Variants in USP24 observed in about 807,000 individuals in gnomAD.
The protein encoded by USP24 is ubiquitin carboxyl-terminal hydrolase 24.
In USP24, 97 loss-of-function variants were observed where a neutral mutation model predicts 361.6. That is an observed-to-expected ratio of 0.27 (90% CI 0.23 to 0.32). The LOEUF is 0.32. Among genes scored for constraint, USP24 ranks in the 10% least tolerant of loss-of-function variants. The pLI is 1.00. For synonymous variants in USP24, 1,098 were observed against 1,124.6 expected, an observed-to-expected ratio of 0.98 and a Z score of 0.47; for missense variants, 2,353 against 3,165.6, an observed-to-expected ratio of 0.74 and a Z score of 6.16.
intron 63 of USP24, 107 bp from the exon 64 acceptor site, chr1:55,074,013 A>T (rs1644971661): frequency 1.7e-5 from 15 of 870,222 alleles, no homozygotes; most frequent in Non-Finnish European, 2.7e-5. Flanking sequence ...ATTTTAATAA[A>T]CAGATAAGGA....
Position 55,100,983 on chromosome 1 carries a change from T to C in USP24, c.5146-19A>G. 2 of 1,604,438 alleles carry C rather than the reference T, an allele frequency of 1.2e-6. No homozygotes were observed. Among genetic ancestry groups the C allele is most frequent in the African/African-American group, 1.3e-5 (1 of 74,304 alleles). ...GTAATGACTGCACAGAAAAGAAACA[T>C]ATCAAGCTTGAAATATTTAAAATGC... On this transcript the variant is annotated intron_variant, in intron 43 of 67. Transcript: ENST00000294383.
chr1:55,134,811 C>T (rs944421742), intron 28 of USP24, among the ~76,000 whole-genome samples: 4 of 152,122 alleles, frequency 2.6e-5, no homozygotes, highest in African/African-American at 7.2e-5. Context: ...GTTTATGTAT[C>T]GACATTCACA....
intron 65 of USP24, 31 bp from the exon 66 acceptor site, chr1:55,072,434 G>A (rs748307686): frequency 4.4e-6 from 7 of 1,579,438 alleles, no homozygotes; most frequent in Non-Finnish European, 6.1e-6. Context: ...TGCCATCAGA[G>A]GTGACAAATA....
intron 32 of USP24, among the ~76,000 whole-genome samples, chr1:55,127,134 G>A (rs1371103085): frequency 6.6e-6 from 1 of 151,740 alleles, no homozygotes; most frequent in Admixed American, 6.6e-5. Context: ...AGTTACATAT[G>A]TATATATGTG....
intron 1 of USP24, among the ~76,000 whole-genome samples, chr1:55,183,994 G>A (rs1327348395): frequency 6.6e-6 from 1 of 152,030 alleles, no homozygotes; most frequent in Admixed American, 6.6e-5. Context: ...ATAACATTGG[G>A]GGGGAAAAAA....
At chr1:55,112,856 C>G (rs1645994151) in intron 38 of USP24, among the ~76,000 whole-genome samples, 1 of 152,136 alleles carries the variant, frequency 6.6e-6, no homozygotes, top group Non-Finnish European at 1.5e-5. Context: ...CTAATATTGA[C>G]AGCGGAGTGT....
chr1:55,166,731 T>G (rs1648905988), intron 5 of USP24, 128 bp from the exon 6 acceptor site: 1 of 936,132 alleles, frequency 1.1e-6, no homozygotes, highest in South Asian at 1.7e-5. Flanking sequence ...TTTTCAAAGT[T>G]TTTTTCCCAA....
intron 38 of USP24, among the ~76,000 whole-genome samples, chr1:55,116,910 A>T (rs1235393258): frequency 1.3e-5 from 2 of 152,208 alleles, no homozygotes; most frequent in Non-Finnish European, 2.9e-5. Context: ...CTACAGACCA[A>T]TATCCCTTAT....
intron 39 of USP24, among the ~76,000 whole-genome samples, chr1:55,109,553 T>C (rs1358127932): frequency 2.0e-5 from 3 of 152,194 alleles, no homozygotes; most frequent in Non-Finnish European, 4.4e-5. Flanking sequence ...GTATTTTTTT[T>C]CCTCCTGGTC....
intron 1 of USP24, among the ~76,000 whole-genome samples, chr1:55,210,412 A>G (rs2100956241): frequency 6.6e-6 from 1 of 152,288 alleles, no homozygotes; most frequent in Non-Finnish European, 1.5e-5. Flanking sequence ...ACAGTAATTC[A>G]TAAACCACAG....
chr1:55,168,201 G>T (rs1649078942), intron 5 of USP24, among the ~76,000 whole-genome samples: 1 of 152,042 alleles, frequency 6.6e-6, no homozygotes. Context: ...TGCTGTTGAT[G>T]GGGGTCAAGG....
chr1:55,164,465 C>A (rs958003547), intron 7 of USP24, among the ~76,000 whole-genome samples: 1 of 151,898 alleles, frequency 6.6e-6, no homozygotes, highest in Non-Finnish European at 1.5e-5. Flanking sequence ...AATATTATGG[C>A]CTAAATTTAT....
At chr1:55,106,101 A>G in intron 41 of USP24, 45 bp downstream of exon 41, 1 of 1,498,630 alleles carries the variant, frequency 6.7e-7, no homozygotes, top group South Asian at 1.2e-5. Flanking sequence ...GAAGTTTCAA[A>G]TTAGAATTTT....
At chr1:55,069,437 C>T (rs1024290530) in intron 67 of USP24, among the ~76,000 whole-genome samples, 3 of 152,228 alleles carry the variant, frequency 2.0e-5, no homozygotes, top group African/African-American at 7.2e-5. Flanking sequence ...ACGTTGGGCA[C>T]TGTGTGAGCC....
At chr1:55,173,075 G>A (rs914315518) in intron 3 of USP24, among the ~76,000 whole-genome samples, 5 of 152,050 alleles carry the variant, frequency 3.3e-5, no homozygotes, top group Non-Finnish European at 7.4e-5. Context: ...AATGAATGCT[G>A]TATTGCACGG....
At chr1:55,209,930 A>G (rs1050082529) in intron 1 of USP24, among the ~76,000 whole-genome samples, 1 of 152,222 alleles carries the variant, frequency 6.6e-6, no homozygotes, top group Non-Finnish European at 1.5e-5. Flanking sequence ...CAGTAAGTAT[A>G]AAAATACTTA....
intron 41 of USP24, among the ~76,000 whole-genome samples, chr1:55,105,886 T>C (rs1425508180): frequency 7.1e-6 from 1 of 140,516 alleles, no homozygotes; most frequent in African/African-American, 2.7e-5. Flanking sequence ...TTGGCATTTG[T>C]TACTGACCAA....
rs1250079491 is a variant in USP24 at position 55,066,387 on chromosome 1, C to CTT, written c.*2656_*2657dup. On this transcript the variant is annotated 3_prime_UTR_variant, in exon 68 of 68. Transcript: ENST00000294383. ...GTTTTTGAAAAATTTATTTTATACTCTTAGAAGCTAAGAACTTTGCCACAC... is the reference window on the plus strand; with the variant it reads ...GTTTTTGAAAAATTTATTTTATACTCTTTTAGAAGCTAAGAACTTTGCCACAC... The CTT allele has an allele frequency of 2.0e-5, 3 of 152,206 alleles. No individual in the cohort carries two copies. Among genetic ancestry groups the CTT allele is most frequent in the South Asian group, 2.1e-4 (1 of 4,832 alleles). The allele number at this position is 152,206 out of a possible 1,614,324, so 9.4% of individuals were successfully genotyped here.
In USP24 at chr1:55,068,805, T is replaced by G. The variant is rs927547629; in HGVS notation, c.*240A>C. 166 of 540,710 alleles carry G rather than the reference T, an allele frequency of 3.1e-4. No homozygotes were observed. Among genetic ancestry groups the G allele is most frequent in the Middle Eastern group, 9.5e-4 (2 of 2,108 alleles). The allele number at this position is 540,710 out of a possible 1,614,324, so 33.5% of individuals were successfully genotyped here. On this transcript the variant is annotated 3_prime_UTR_variant, in exon 68 of 68. Transcript: ENST00000294383. ...ATCTCCACAGAAATGTGAATCCACA[T>G]ATAGACCACGCTCCCGGGACAGCTG...
Sources: allele counts gnomAD v4.1 joint callset (sites outside exome capture counted in the v4.1 genomes callset), GRCh38; gene constraint gnomAD v4.1.1; transcripts MANE v1.5; gene names NCBI Gene and HGNC (gene_info 2026-07-23, HGNC 2026-07-21).